MARCHF2: variants seen among roughly 807,000 people sequenced by gnomAD.
The protein encoded by MARCHF2 is membrane associated ring-CH-type finger 2.
Under a neutral mutation model 24.0 loss-of-function variants are expected in MARCHF2, and 22 were observed. The observed-to-expected ratio is 0.92, with a 90% confidence interval of 0.66 to 1.31. The LOEUF (loss-of-function observed/expected upper bound fraction) is 1.31. Among genes scored for constraint, MARCHF2 ranks in the 50% most tolerant of loss-of-function variants. MARCHF2 has a pLI of 0.00. For missense variants in MARCHF2, 301 were observed against 335.3 expected (o/e 0.90, Z 0.80); for synonymous variants, 154 against 153.0 (o/e 1.01, Z -0.05).
chr19:8,429,468 A>G (rs1468014778), intron 3 of MARCHF2, among the ~76,000 whole-genome samples: 2 of 145,334 alleles, frequency 1.4e-5, no homozygotes, highest in Non-Finnish European at 3.0e-5. Flanking sequence ...AAAATCAAAG[A>G]AATGAAAGAA....
intron 4 of MARCHF2, among the ~76,000 whole-genome samples, chr19:8,434,701 CCTTT>C (rs1433982285): frequency 7.5e-6 from 1 of 134,038 alleles, no homozygotes; most frequent in Non-Finnish European, 1.7e-5. Flanking sequence ...GAACCACTGA[CCTTT>C]ATTTATTTAT....
chr19:8,424,712 C>G (rs1967350474), intron 2 of MARCHF2, among the ~76,000 whole-genome samples: 1 of 152,006 alleles, frequency 6.6e-6, no homozygotes, highest in African/African-American at 2.4e-5. Flanking sequence ...CTTGGCTCTG[C>G]TCTCCTCTGT....
intron 2 of MARCHF2, among the ~76,000 whole-genome samples, chr19:8,424,119 C>T (rs1424984476): frequency 1.3e-5 from 2 of 152,164 alleles, no homozygotes; most frequent in African/African-American, 4.8e-5. Context: ...GAAACAGTGA[C>T]TCATGGCTGT....
At chr19:8,427,708 T>C (rs1240449578) in intron 3 of MARCHF2, 1 of 150,578 alleles carries the variant, frequency 6.6e-6, no homozygotes, top group East Asian at 2.0e-4. Context: ...ATGCCTGTAA[T>C]CCCAGCACTT....
chr19:8,424,795 C>T (rs573836237), intron 2 of MARCHF2, among the ~76,000 whole-genome samples: 31 of 152,204 alleles, frequency 2.0e-4, no homozygotes, highest in Admixed American at 2.0e-3. Context: ...GCCTTGTGGC[C>T]GACAGTTCTG....
chr19:8,431,272 G>A (rs756174956), intron 4 of MARCHF2, among the ~76,000 whole-genome samples: 1 of 152,008 alleles, frequency 6.6e-6, no homozygotes, highest in Non-Finnish European at 1.5e-5. Flanking sequence ...GCCAAGGTGG[G>A]TGGATCACCT....
chr19:8,435,975 C>T (rs932733728), intron 4 of MARCHF2, among the ~76,000 whole-genome samples: 1 of 152,054 alleles, frequency 6.6e-6, no homozygotes, highest in Non-Finnish European at 1.5e-5. Context: ...CCTCCCACCT[C>T]AGCTTCCTGA....
At chr19:8,424,323 G>A (rs748867892) in intron 2 of MARCHF2, among the ~76,000 whole-genome samples, 13 of 152,136 alleles carry the variant, frequency 8.5e-5, no homozygotes, top group African/African-American at 2.2e-4. Context: ...CAGGTAGCAC[G>A]GGCTTCAGGT....
chr19:8,428,259 C>CA (rs956781815), intron 3 of MARCHF2, among the ~76,000 whole-genome samples: 11 of 140,214 alleles, frequency 7.8e-5, no homozygotes, highest in South Asian at 2.3e-4. Flanking sequence ...GACTCCATCT[C>CA]AAAAAAAAAA....
chr19:8,435,056 G>C, intron 4 of MARCHF2, among the ~76,000 whole-genome samples: 1 of 133,832 alleles, frequency 7.5e-6, no homozygotes, highest in Non-Finnish European at 1.5e-5. Context: ...GTCTCGCTCT[G>C]TCACCAGGCT....
chr19:8,433,819 G>A (rs1967642239), intron 4 of MARCHF2, among the ~76,000 whole-genome samples: 1 of 151,328 alleles, frequency 6.6e-6, no homozygotes, highest in African/African-American at 2.4e-5. Context: ...AGCCAAGATC[G>A]TGCCACTGCA....
chr19:8,433,421 G>A (rs1967631495), intron 4 of MARCHF2, among the ~76,000 whole-genome samples: 1 of 151,908 alleles, frequency 6.6e-6, no homozygotes, highest in Non-Finnish European at 1.5e-5. Context: ...GCTCACGCCT[G>A]TAATTCCAGC....
In MARCHF2 at chr19:8,438,728, G is replaced by A. The variant is rs140893509; in HGVS notation, c.*182G>A. ...TGATCCTGTGTGAAGATATTTTCAG[G>A]GTTTTTTTTTTTTTTTTTTTGCATA... is the stretch of plus-strand genomic sequence containing the variant. On this transcript the variant is annotated 3_prime_UTR_variant, in exon 5 of 5. Transcript: ENST00000215555. 5 of 539,142 alleles carry A rather than the reference G, an allele frequency of 9.3e-6. No homozygotes were observed. The Admixed American group carries it at 9.9e-5, about 11-fold the overall frequency. 33.4% of individuals were successfully genotyped at this position (539,142 alleles called of 1,614,324 possible).
At chr19:8,431,016 C>T (rs1032948940) in intron 4 of MARCHF2, 149 bp downstream of exon 4, 2 of 722,332 alleles carry the variant, frequency 2.8e-6, no homozygotes, top group Non-Finnish European at 4.5e-6. Flanking sequence ...TGAGGTCACC[C>T]TGCCTCTCCA....
At chr19:8,422,130 T>A in intron 2 of MARCHF2, 114 bp downstream of exon 2, 1 of 1,113,100 alleles carries the variant, frequency 9.0e-7, no homozygotes, top group Non-Finnish European at 1.2e-6. Flanking sequence ...GCCAAGTGGG[T>A]AAATAGAGAA....
Position 8,430,568 on chromosome 19 carries a change from G to C in MARCHF2, c.373-90G>C. The stretch of plus-strand genomic sequence containing the variant: ...AAAAAAGAAAGAAGGAAAGGACAGA[G>C]GGAGGCCTAGGCCTGGAGGTCCTTA... On this transcript the variant is annotated intron_variant, in intron 3 of 4. Transcript: ENST00000215555. This position sits in a 1 kb window ranked among gnomAD's most constrained non-coding sequence, Gnocchi z 4.4. 2.1e-6 allele frequency: 2 copies of C among 975,198 alleles called. No individual in the cohort carries two copies. Among genetic ancestry groups the C allele is most frequent in the South Asian group, 2.8e-5 (2 of 70,968 alleles). The allele number at this position is 975,198 out of a possible 1,614,324, so 60.4% of individuals were successfully genotyped here.
intron 4 of MARCHF2, among the ~76,000 whole-genome samples, chr19:8,437,218 G>T (rs1172942858): frequency 2.6e-5 from 4 of 151,874 alleles, no homozygotes; most frequent in Non-Finnish European, 5.9e-5. Context: ...GAGCTCAAGT[G>T]GTCCCCACGC....
At chr19:8,422,653 A>T (rs1051308999) in intron 2 of MARCHF2, among the ~76,000 whole-genome samples, 14 of 149,106 alleles carry the variant, frequency 9.4e-5, no homozygotes, top group Admixed American at 8.7e-4. Flanking sequence ...TCGGCCTCCC[A>T]AACTGCTGGG....
chr19:8,438,293 C>A (rs914624469), intron 4 of MARCHF2, 95 bp from the exon 5 acceptor site: 1 of 1,285,196 alleles, frequency 7.8e-7, no homozygotes, highest in Non-Finnish European at 1.1e-6. Flanking sequence ...GCATGAGCCC[C>A]AGCCATGGTT....
Sources: gnomAD v4.1 joint callset for allele counts (sites outside exome capture counted in the v4.1 genomes callset) on GRCh38, gnomAD v4.1.1 for gene constraint, Gnocchi (gnomAD v3.1) non-coding constraint, MANE v1.5 for transcripts, NCBI Gene and HGNC (gene_info 2026-07-23, HGNC 2026-07-21) for gene names.